COL4A2: variants seen among roughly 807,000 people sequenced by gnomAD.
COL4A2 encodes the protein collagen type IV alpha 2 chain.
Under a neutral mutation model 200.2 loss-of-function variants are expected in COL4A2, and 99 were observed. The observed-to-expected ratio is 0.49, with a 90% CI of 0.42 to 0.58. The LOEUF (loss-of-function observed/expected upper bound fraction) is 0.58. Ranked by LOEUF, COL4A2 falls within the 20% of genes least tolerant of loss-of-function variation. The pLI is 0.00. For synonymous variants in COL4A2, 897 were observed against 900.6 expected (o/e 1.00, Z 0.07); for missense variants, 1,950 against 2,314.1 (o/e 0.84, Z 3.23).
At chr13:110,341,254 G>T (rs1234251874) in intron 3 of COL4A2, among the ~76,000 whole-genome samples, 2 of 152,190 alleles carry the variant, frequency 1.3e-5, no homozygotes, top group East Asian at 1.9e-4. Context: ...GACCAACACC[G>T]CCCTGCACAA....
At position 110,307,318 on chromosome 13, in the gene COL4A2, C is replaced by T; in HGVS notation, c.-255C>T. On this transcript the variant is annotated 5_prime_UTR_variant, in exon 1 of 48. Transcript: ENST00000360467. This position sits in a 1 kb window ranked among gnomAD's most constrained non-coding sequence, Gnocchi z 5.0. Reference sequence around the variant, plus strand: ...TGCAGTGCGCCGGGACACCAGGGCTCCGCGCTCCGCACTCAAGAGGCTCCC... The same window carrying T: ...TGCAGTGCGCCGGGACACCAGGGCTTCGCGCTCCGCACTCAAGAGGCTCCC... 3.0e-6 allele frequency: 1 copy of T among 332,316 alleles called. No individual in the cohort carries two copies. The highest frequency in any genetic ancestry group is 5.4e-6 in the Non-Finnish European group (1 of 184,158). The allele number at this position is 332,316 out of a possible 1,614,324, so 20.6% of individuals were successfully genotyped here. A position where few individuals can be genotyped will look rare whatever the true frequency, so the allele number is the denominator to read the frequency against.
Position 110,358,057 on chromosome 13 carries a change from A to T in COL4A2, c.180+505A>T, listed in dbSNP as rs867761035. Among the ~76,000 whole-genome samples the T allele has an allele frequency of 9.9e-4, 151 of 152,320 alleles. 1 individual carries two copies. The highest frequency in any genetic ancestry group is 3.5e-3 in the African/African-American group (144 of 41,574). On this transcript the variant is annotated intron_variant, in intron 4 of 47. Transcript: ENST00000360467. Reference sequence around the variant, plus strand: ...TAATAAATTAACCTTAGTTTACTATAACTTTTTTACTTTATAAACTGTTAA... The same window carrying T: ...TAATAAATTAACCTTAGTTTACTATTACTTTTTTACTTTATAAACTGTTAA...
At position 110,447,936 on chromosome 13, in the gene COL4A2, T is replaced by C. The variant is rs148111913; in HGVS notation, c.1078+1072T>C. On this transcript the variant is annotated intron_variant, in intron 18 of 47. Coordinates refer to ENST00000360467, the MANE Select transcript of COL4A2 (RefSeq NM_001846.4). ...GTCAGTTTAATAATGGCTTTGCATG[T>C]CTTCATCCAATGCTGATCAAAACGC... Among the ~76,000 whole-genome samples, 294 of 152,354 alleles carry C rather than the reference T, an allele frequency of 1.9e-3. 1 individual carries two copies. In the Middle Eastern group the frequency reaches 0.048, roughly 25 times the overall value.
chr13:110,410,472 C>G (rs1020261783), intron 4 of COL4A2, among the ~76,000 whole-genome samples: 2 of 152,184 alleles, frequency 1.3e-5, no homozygotes, highest in African/African-American at 4.8e-5. Flanking sequence ...ACATGGACTC[C>G]AAGTTCACCA....
chr13:110,370,222 A>AAAG (rs56125930), intron 4 of COL4A2, among the ~76,000 whole-genome samples: 1 of 150,650 alleles, frequency 6.6e-6, no homozygotes, highest in African/African-American at 2.4e-5. Flanking sequence ...GAAAAAAAAA[A>AAAG]CAAGGGTTTT....
At chr13:110,446,996 A>C (rs1438508271) in intron 18 of COL4A2, 132 bp downstream of exon 18, 1 of 560,118 alleles carries the variant, frequency 1.8e-6, no homozygotes, top group African/African-American at 1.9e-5. Context: ...AATAATAAAA[A>C]AAATAAAAAA....
chr13:110,416,240 C>T (rs1345359767), intron 4 of COL4A2, among the ~76,000 whole-genome samples: 1 of 152,250 alleles, frequency 6.6e-6, no homozygotes, highest in South Asian at 2.1e-4. Context: ...GCGTTTCATA[C>T]CCATTCGCGG....
At chr13:110,509,270 T>TATATATATATATATATACACACAC (rs1435137108) in intron 47 of COL4A2, among the ~76,000 whole-genome samples, 13 of 115,600 alleles carry the variant, frequency 1.1e-4, no homozygotes, top group African/African-American at 4.5e-4. Flanking sequence ...TATATATATA[T>TATATATATATATATATACACACAC]ACACACACAC....
chr13:110,373,178 A>G (rs369681587), intron 4 of COL4A2, among the ~76,000 whole-genome samples: 59 of 152,360 alleles, frequency 3.9e-4, no homozygotes, highest in African/African-American at 1.4e-3. Context: ...TGTGGGCTGC[A>G]GAATATTCAT....
At chr13:110,363,020 A>G (rs1210084665) in intron 4 of COL4A2, among the ~76,000 whole-genome samples, 1 of 152,236 alleles carries the variant, frequency 6.6e-6, no homozygotes, top group African/African-American at 2.4e-5. Flanking sequence ...CCTATGTCCT[A>G]AGGCACTTGG....
In COL4A2 at chr13:110,314,637, C is replaced by T. The variant is rs995143283; in HGVS notation, c.99+6514C>T. On this transcript the variant is annotated intron_variant, in intron 3 of 47. Transcript: ENST00000360467. ...TCGCTGGGGAGGGAAGTGGCCGCTC[C>T]GTTGTTTCCTGAGCCCAAGATGGAA... is the stretch of plus-strand genomic sequence containing the variant. 8.5e-5 allele frequency among the ~76,000 whole-genome samples: 13 copies of T among 152,248 alleles called. No homozygotes were observed. The South Asian group carries it at 1.0e-3, about 12-fold the overall frequency.
intron 22 of COL4A2, among the ~76,000 whole-genome samples, chr13:110,461,061 A>G (rs1882007698): frequency 6.6e-6 from 1 of 152,242 alleles, no homozygotes; most frequent in Non-Finnish European, 1.5e-5. Context: ...GTTTGAAAAC[A>G]CAACGCTGAT....
intron 3 of COL4A2, among the ~76,000 whole-genome samples, chr13:110,343,679 G>A (rs968744711): frequency 3.9e-5 from 6 of 152,240 alleles, no homozygotes; most frequent in African/African-American, 9.6e-5. Context: ...CCCGGGCAGC[G>A]CAGCGCTGCT....
chr13:110,465,587 A>G lies in COL4A2; in HGVS notation c.1959A>G (p.Ala653=), dbSNP rs776150875. Residue 653 remains alanine (A), a synonymous_variant, in exon 25 of 48, where the codon GCA becomes GCG. Coordinates refer to ENST00000360467, the MANE Select transcript of COL4A2 (RefSeq NM_001846.4). ...PPGFLGPPGP[A]GTPGQIDCDT... is the part of the protein sequence containing the mutation. ...GCTTCCTGGGCCCTCCTGGCCCCGC[A>G]GGGACCCCAGGACAAATAGGTATGA... 5.0e-6 allele frequency: 8 copies of G among 1,612,802 alleles called. No homozygotes were observed. The highest frequency in any genetic ancestry group is 6.8e-6 in the Non-Finnish European group (8 of 1,179,614).
At chr13:110,400,721 T>G (rs1879343679) in intron 4 of COL4A2, among the ~76,000 whole-genome samples, 1 of 152,130 alleles carries the variant, frequency 6.6e-6, no homozygotes, top group Admixed American at 6.6e-5. Context: ...ACTAAAAGAG[T>G]TATTCAGAAG....
chr13:110,462,454 A>C, intron 24 of COL4A2, 70 bp downstream of exon 24: 2 of 1,518,048 alleles, frequency 1.3e-6, no homozygotes, highest in Non-Finnish European at 1.8e-6. Flanking sequence ...AACACCCCAG[A>C]AGCAAACAGT....
At chr13:110,502,923 G>C (rs1238089375) in intron 41 of COL4A2, 198 bp from the exon 42 acceptor site, 36 of 568,980 alleles carry the variant, frequency 6.3e-5, no homozygotes, top group Non-Finnish European at 7.5e-5. Context: ...CCACTGAGCA[G>C]TGCACCTAAA....
chr13:110,438,054 G>A lies in COL4A2; in HGVS notation c.861+17G>A, dbSNP rs765805501. The A allele has an allele frequency of 4.3e-6, 7 of 1,611,104 alleles. No homozygotes were observed. Among genetic ancestry groups the A allele is most frequent in the Admixed American group, 3.3e-5 (2 of 59,886 alleles). On this transcript the variant is annotated intron_variant, in intron 14 of 47. Transcript: ENST00000360467. ...GGAATAAGAGTAAGTCGAGTAATGA[G>A]CATGCCCCCTCCCCTGTGGCTCCTG...
rs565167753 is a variant in COL4A2 at position 110,502,965 on chromosome 13, G to A, written c.3878-156G>A. 532 of 703,910 alleles carry A rather than the reference G, an allele frequency of 7.6e-4. 1 individual carries two copies. The highest frequency in any genetic ancestry group is 1.1e-3 in the African/African-American group (59 of 55,962). 43.6% of individuals were successfully genotyped at this position (703,910 alleles called of 1,614,324 possible). A position where few individuals can be genotyped will look rare whatever the true frequency, so the allele number is the denominator to read the frequency against. On this transcript the variant is annotated intron_variant, in intron 41 of 47. Transcript: ENST00000360467. ...TAAAATGGTAACTTTTATGTTCTAC[G>A]TATTTTACGACAATTTTTTAAAAAC...
Sources: allele counts gnomAD v4.1 joint callset (sites outside exome capture counted in the v4.1 genomes callset), GRCh38; gene constraint gnomAD v4.1.1; non-coding constraint Gnocchi (gnomAD v3.1); transcripts MANE v1.5; gene names NCBI Gene and HGNC (gene_info 2026-07-23, HGNC 2026-07-21).